The following CACNB4 variants were observed in gnomAD, a reference collection of about 807,000 sequenced individuals.
CACNB4 encodes the protein voltage-dependent L-type calcium channel subunit beta-4.
Under a neutral mutation model 71.2 loss-of-function variants are expected in CACNB4, and 32 were observed. That is an observed-to-expected ratio of 0.45 (90% CI 0.34 to 0.60). CACNB4 has a LOEUF of 0.60. Among genes scored for constraint, CACNB4 ranks in the 20% least tolerant of loss-of-function variants. The probability of loss-of-function intolerance (pLI) is 0.01; values close to 1 mark genes in which losing one functional copy is unlikely to be tolerated. For missense variants in CACNB4, 464 were observed against 647.9 expected, an observed-to-expected ratio of 0.72 and a Z score of 3.08; for synonymous variants, 231 against 236.9, an observed-to-expected ratio of 0.97 and a Z score of 0.23.
At chr2:152,042,319 C>A (rs1227265734) in intron 2 of CACNB4, among the ~76,000 whole-genome samples, 2 of 152,306 alleles carry the variant, frequency 1.3e-5, no homozygotes, top group East Asian at 3.9e-4. Context: ...TCCTTTCATC[C>A]GTCTGCTCCC....
At chr2:151,875,894 G>A (rs1263565733) in intron 5 of CACNB4, among the ~76,000 whole-genome samples, 1 of 141,082 alleles carries the variant, frequency 7.1e-6, no homozygotes, top group Non-Finnish European at 1.6e-5. Context: ...CGGGCAGAGG[G>A]GCTCCTCACT....
chr2:151,842,400 G>A (rs1267671945), intron 12 of CACNB4, among the ~76,000 whole-genome samples: 7 of 141,174 alleles, frequency 5.0e-5, no homozygotes, highest in East Asian at 4.5e-4. Flanking sequence ...GCACGATCTC[G>A]GCTCAATGCA....
chr2:151,908,622 A>C (rs1441360798), intron 2 of CACNB4, among the ~76,000 whole-genome samples: 1 of 152,242 alleles, frequency 6.6e-6, no homozygotes, highest in African/African-American at 2.4e-5. Context: ...ACTCATCTGT[A>C]GATAAAAAGC....
In CACNB4 at chr2:151,870,594, A is replaced by C. The variant is rs1238626923; in HGVS notation, c.636T>G (p.Pro212=). 6.2e-7 allele frequency: 1 copy of C among 1,613,830 alleles called. No individual in the cohort carries two copies. The highest frequency in any genetic ancestry group is 1.1e-5 in the South Asian group (1 of 91,026). ...QKQKVTEHIP[P]YDVVPSMRPV... ...GACGCATTGACGGTACAACATCGTA[A>C]GGAGGAATGTGCTCCGTCTGAAAAA... is the stretch of plus-strand genomic sequence containing the variant. Residue 212 remains proline (P), a synonymous_variant, in exon 8 of 14, where the codon CCT becomes CCG. Coordinates refer to ENST00000539935, the MANE Select transcript of CACNB4 (RefSeq NM_000726.5).
chr2:151,922,921 A>C (rs2099859324), intron 2 of CACNB4, among the ~76,000 whole-genome samples: 1 of 152,224 alleles, frequency 6.6e-6, no homozygotes, highest in Non-Finnish European at 1.5e-5. Flanking sequence ...AAAGAACCTC[A>C]AGTTGGAATC....
chr2:151,963,349 T>C, intron 2 of CACNB4, among the ~76,000 whole-genome samples: 1 of 150,474 alleles, frequency 6.6e-6, no homozygotes, highest in Non-Finnish European at 1.5e-5. Context: ...AGGAAGGCTC[T>C]AGGTCCACTT....
rs879308662 is a variant in CACNB4, at chr2:151,994,519, C to CT, written c.147+103810dup. 6.4e-3 allele frequency among the ~76,000 whole-genome samples: 883 copies of CT among 136,902 alleles called. 13 individuals carry two copies. The highest frequency in any genetic ancestry group is 0.021 in the African/African-American group (795 of 37,262). 89.8% of individuals were successfully genotyped at this position (136,902 alleles called of 152,430 possible). A position where few individuals can be genotyped will look rare whatever the true frequency, so the allele number is the denominator to read the frequency against. On this transcript the variant is annotated intron_variant, in intron 2 of 13. Coordinates refer to ENST00000539935, the MANE Select transcript of CACNB4 (RefSeq NM_000726.5). The stretch of plus-strand genomic sequence containing the variant: ...CCATTCCCAGCCAAAAGGGTCCCCC[C>CT]TTTTTTTTTTGAGGCACAGTCTCAC...
chr2:151,948,324 A>T (rs4563220), intron 2 of CACNB4, among the ~76,000 whole-genome samples: 140,924 of 152,194 alleles, frequency 0.93, 65,555 homozygotes, highest in Middle Eastern at 0.98. Flanking sequence ...CACTCCCACT[A>T]CAGTCTTGAA....
chr2:152,049,597 T>C (rs1685315417), intron 2 of CACNB4, among the ~76,000 whole-genome samples: 1 of 152,208 alleles, frequency 6.6e-6, no homozygotes, highest in African/African-American at 2.4e-5. Context: ...CCTTTTTTTC[T>C]TCTCCCTTCC....
At chr2:152,005,760 T>C (rs1022634651) in intron 2 of CACNB4, among the ~76,000 whole-genome samples, 59 of 152,216 alleles carry the variant, frequency 3.9e-4, no homozygotes, top group African/African-American at 1.4e-3. Context: ...TAATTCTAAG[T>C]GCAAGTGCAA....
chr2:152,035,648 T>TCC (rs1684540653), intron 2 of CACNB4, among the ~76,000 whole-genome samples: 1 of 135,054 alleles, frequency 7.4e-6, no homozygotes, highest in African/African-American at 3.0e-5. Flanking sequence ...TCTCTCTCTC[T>TCC]CTCTATATAT....
intron 2 of CACNB4, among the ~76,000 whole-genome samples, chr2:151,976,574 G>A (rs1374163171): frequency 7.2e-6 from 1 of 138,700 alleles, no homozygotes; most frequent in Admixed American, 7.1e-5. Context: ...TTCCCCTAGG[G>A]TCTGGATCTA....
intron 2 of CACNB4, among the ~76,000 whole-genome samples, chr2:151,950,169 A>G (rs1484150002): frequency 6.6e-6 from 1 of 152,144 alleles, no homozygotes; most frequent in Admixed American, 6.5e-5. Context: ...GATTATTTCC[A>G]TCATCCTAGT....
intron 2 of CACNB4, among the ~76,000 whole-genome samples, chr2:151,962,392 G>T (rs563991736): frequency 2.0e-5 from 3 of 152,182 alleles, no homozygotes; most frequent in Admixed American, 1.3e-4. Flanking sequence ...TGTTGTCAGG[G>T]ACACTCTCTC....
chr2:152,009,213 G>C (rs1682914596), intron 2 of CACNB4, among the ~76,000 whole-genome samples: 1 of 150,500 alleles, frequency 6.6e-6, no homozygotes, highest in Non-Finnish European at 1.5e-5. Context: ...AAGAAAGAAA[G>C]AAAGAAAGGA....
intron 2 of CACNB4, among the ~76,000 whole-genome samples, chr2:151,912,245 T>A (rs1313384630): frequency 2.0e-5 from 3 of 152,198 alleles, no homozygotes; most frequent in Non-Finnish European, 1.5e-5. Context: ...TCTAGCTCTT[T>A]TAATTGTGAT....
At chr2:152,016,995 C>CGGCCGGGCACGGTGGCTCACGCCTGT (rs1560134856) in intron 2 of CACNB4, among the ~76,000 whole-genome samples, 1 of 150,726 alleles carries the variant, frequency 6.6e-6, no homozygotes, top group African/African-American at 2.5e-5. Flanking sequence ...GGTAGAACTG[C>CGGCCGGGCACGGTGGCTCACGCCTGT]AAGTTTAACC....
At chr2:151,989,223 T>C (rs1015028986) in intron 2 of CACNB4, among the ~76,000 whole-genome samples, 9 of 152,206 alleles carry the variant, frequency 5.9e-5, no homozygotes, top group African/African-American at 2.2e-4. Context: ...ACACAAACAC[T>C]TCAAAGAATA....
intron 2 of CACNB4, among the ~76,000 whole-genome samples, chr2:151,917,834 CAA>C (rs35688438): frequency 1.7e-5 from 2 of 116,226 alleles, no homozygotes. Flanking sequence ...GACACTGTCT[CAA>C]AAAAAAAAAA....
Sources: gnomAD v4.1 joint callset for allele counts (sites outside exome capture counted in the v4.1 genomes callset) on GRCh38, gnomAD v4.1.1 for gene constraint, MANE v1.5 for transcripts, NCBI Gene and HGNC (gene_info 2026-07-23, HGNC 2026-07-21) for gene names.